COLEC12: variants seen among roughly 807,000 people sequenced by gnomAD.
COLEC12 encodes collectin-12.
A neutral mutation model predicts 71.1 loss-of-function variants in COLEC12; 33 were observed. The observed-to-expected ratio is 0.46, with a 90% CI of 0.35 to 0.62. The LOEUF is 0.62. Among genes scored for constraint, COLEC12 ranks in the 20% least tolerant of loss-of-function variants. The pLI, the probability that COLEC12 is intolerant of heterozygous loss-of-function variation, is 0.00. For missense variants in COLEC12, 765 were observed against 916.1 expected (o/e 0.84, Z 2.13); for synonymous variants, 350 against 353.0 (o/e 0.99, Z 0.10).
At chr18:368,656 A>C (rs1028858086) in intron 2 of COLEC12, among the ~76,000 whole-genome samples, 1 of 152,052 alleles carries the variant, frequency 6.6e-6, no homozygotes, top group Non-Finnish European at 1.5e-5. Flanking sequence ...TGAGGTCAGG[A>C]GATCGAGACC....
In COLEC12 at chr18:334,762, G is replaced by T. The variant is rs1318721082; in HGVS notation, c.1796C>A (p.Thr599Asn). Residue 599 changes from threonine (T) to asparagine (N), a missense_variant, in exon 6 of 10, where the codon ACC becomes AAC. Transcript: ENST00000400256. The part of the protein sequence containing the change: ...VVPLALQNEP[T>N]PAPEDNGCPP... ...CTTACCATTGTCCTCCGGTGCTGGG[G>T]TTGGCTCATTCTGCAGGGCCAGGGG... 14 of 1,473,900 alleles carry T rather than the reference G, an allele frequency of 9.5e-6. No homozygotes were observed. The highest frequency in any genetic ancestry group is 4.4e-5 in the African/African-American group (3 of 68,148). 91.3% of individuals were successfully genotyped at this position (1,473,900 alleles called of 1,614,324 possible). A position where few individuals can be genotyped will look rare whatever the true frequency, so the allele number is the denominator to read the frequency against.
At chr18:395,343 G>T (rs958160455) in intron 2 of COLEC12, among the ~76,000 whole-genome samples, 6 of 152,156 alleles carry the variant, frequency 3.9e-5, no homozygotes, top group African/African-American at 1.2e-4. Flanking sequence ...CAAGAGAGTT[G>T]GTGCCTTGTA....
chr18:495,432 G>C (rs1697479399), intron 1 of COLEC12, among the ~76,000 whole-genome samples: 1 of 152,196 alleles, frequency 6.6e-6, no homozygotes, highest in South Asian at 2.1e-4. Context: ...AAACCTGTTA[G>C]CAAGACGAGT....
rs1243266224 is a variant in COLEC12, at chr18:327,831, C to T, written c.2063+3837G>A. Among the ~76,000 whole-genome samples, 1 of 152,176 alleles carries T rather than the reference C, an allele frequency of 6.6e-6. No individual in the cohort carries two copies. The highest frequency in any genetic ancestry group is 6.5e-5 in the Admixed American group (1 of 15,276). On this transcript the variant is annotated intron_variant, in intron 8 of 9. Transcript: ENST00000400256. The surrounding 1 kb of genome is among the most constrained non-coding windows in gnomAD (Gnocchi z 4.0). The stretch of plus-strand genomic sequence containing the variant: ...GATGGGACGGTGCCAGGCCCATCGG[C>T]TTCTATTTTTTGGAAGAGTTTAAGA...
chr18:404,378 G>T (rs896253000), intron 2 of COLEC12, among the ~76,000 whole-genome samples: 4 of 152,192 alleles, frequency 2.6e-5, no homozygotes, highest in African/African-American at 7.2e-5. Context: ...TATGTTTAAA[G>T]GTATTATCAG....
chr18:324,685 C>T (rs1325701217), intron 8 of COLEC12, among the ~76,000 whole-genome samples: 9 of 138,716 alleles, frequency 6.5e-5, no homozygotes, highest in East Asian at 3.9e-4. Context: ...AAAAATTAGC[C>T]GGGCCTGGTG....
intron 2 of COLEC12, among the ~76,000 whole-genome samples, chr18:389,535 C>T (rs967703572): frequency 6.6e-6 from 1 of 151,812 alleles, no homozygotes; most frequent in Admixed American, 6.6e-5. Context: ...ACCTCGGCCT[C>T]CCAAAGTGCT....
intron 1 of COLEC12, among the ~76,000 whole-genome samples, chr18:494,419 A>G (rs887504971): frequency 1.4e-5 from 2 of 144,870 alleles, no homozygotes; most frequent in African/African-American, 5.3e-5. Flanking sequence ...ACTAGCCACC[A>G]TTCTAAACAA....
chr18:386,173 C>A (rs535506602), intron 2 of COLEC12, among the ~76,000 whole-genome samples: 1 of 152,266 alleles, frequency 6.6e-6, no homozygotes, highest in Non-Finnish European at 1.5e-5. Flanking sequence ...AATTATTGAG[C>A]TTCCTGAGCT....
chr18:321,770 C>T lies in COLEC12; in HGVS notation c.2101G>A (p.Gly701Ser). The change falls in exon 9 of 10, where the codon GGC becomes AGC. Residue 701 changes from glycine (G) to serine (S), a missense_variant. By Grantham distance (56) the Gly-to-Ser change is moderately conservative. Transcript: ENST00000400256. ...KAGQPDNWGH[G>S]HGPGEDCAGL... ...GCACAGTCTTCTCCTGGCCCATGGC[C>T]ATGACCCCAGTTATCCGGCTGTCCA... The T allele has an allele frequency of 1.2e-6, 2 of 1,614,208 alleles. No individual in the cohort carries two copies. Among genetic ancestry groups the T allele is most frequent in the Non-Finnish European group, 1.7e-6 (2 of 1,180,032 alleles).
intron 1 of COLEC12, among the ~76,000 whole-genome samples, chr18:498,653 C>A (rs1002190629): frequency 2.0e-5 from 3 of 152,070 alleles, no homozygotes; most frequent in South Asian, 4.1e-4. Flanking sequence ...TGAGCCACCG[C>A]GCCCCGCTGG....
Position 349,090 on chromosome 18 carries a change from C to T in COLEC12, c.182-927G>A, listed in dbSNP as rs1337289170. 2.0e-5 allele frequency among the ~76,000 whole-genome samples: 3 copies of T among 152,334 alleles called. No individual in the cohort carries two copies. The East Asian group carries it at 5.8e-4, about 29-fold the overall frequency. On this transcript the variant is annotated intron_variant, in intron 3 of 9. Coordinates refer to ENST00000400256, the MANE Select transcript of COLEC12 (RefSeq NM_130386.3). ...CTCTTGCCGTCCCAAATGTTAACCC[C>T]CAAGACAATGGGGAAAATGTCTTCA...
At chr18:368,740 C>A (rs1035923087) in intron 2 of COLEC12, among the ~76,000 whole-genome samples, 2 of 152,126 alleles carry the variant, frequency 1.3e-5, no homozygotes, top group Non-Finnish European at 2.9e-5. Context: ...GTGGCGGGCG[C>A]CTGTAGTCCC....
intron 2 of COLEC12, among the ~76,000 whole-genome samples, chr18:478,073 C>T (rs532145719): frequency 6.6e-6 from 1 of 152,282 alleles, no homozygotes; most frequent in Admixed American, 6.5e-5. Flanking sequence ...ATGAGGCCTC[C>T]CCAGTGGAAC....
intron 2 of COLEC12, among the ~76,000 whole-genome samples, chr18:470,590 A>G (rs143281240): frequency 2.0e-3 from 309 of 152,172 alleles, no homozygotes; most frequent in Non-Finnish European, 3.6e-3. Context: ...CTAAAAAAAA[A>G]AAAATTTTTT....
chr18:465,079 G>C (rs1046990365), intron 2 of COLEC12, among the ~76,000 whole-genome samples: 2 of 152,172 alleles, frequency 1.3e-5, no homozygotes, highest in Non-Finnish European at 2.9e-5. Flanking sequence ...GGGGAGATGG[G>C]AACAGACTTA....
At chr18:489,349 A>C (rs1289275628) in intron 1 of COLEC12, among the ~76,000 whole-genome samples, 1 of 152,170 alleles carries the variant, frequency 6.6e-6, no homozygotes, top group Non-Finnish European at 1.5e-5. Context: ...TGTACATCCC[A>C]CACACACTTG....
Position 391,503 on chromosome 18 carries a change from T to TTTGTTG in COLEC12, c.59-33987_59-33982dup, listed in dbSNP as rs369399512. Among the ~76,000 whole-genome samples the TTTGTTG allele has an allele frequency of 3.4e-4, 52 of 152,304 alleles. 1 individual carries two copies. The highest frequency in any genetic ancestry group is 3.4e-3 in the Middle Eastern group (1 of 292). ...CCTCCCTGACTATAAATTGGGGGTTTTTGTTGTTGTTGTTGTTTTGGTTCT... is the reference window on the plus strand; with the variant it reads ...CCTCCCTGACTATAAATTGGGGGTTTTTGTTGTTGTTGTTGTTGTTGTTTTGGTTCT... On this transcript the variant is annotated intron_variant, in intron 2 of 9. Coordinates refer to ENST00000400256, the MANE Select transcript of COLEC12 (RefSeq NM_130386.3).
intron 1 of COLEC12, among the ~76,000 whole-genome samples, chr18:486,312 G>A (rs1019579460): frequency 6.6e-6 from 1 of 152,126 alleles, no homozygotes; most frequent in African/African-American, 2.4e-5. Context: ...CAGCCTCAGA[G>A]TAGCTGGGAT....
Sources: allele counts gnomAD v4.1 joint callset (sites outside exome capture counted in the v4.1 genomes callset), GRCh38; gene constraint gnomAD v4.1.1; non-coding constraint Gnocchi (gnomAD v3.1); transcripts MANE v1.5; gene names NCBI Gene and HGNC (gene_info 2026-07-23, HGNC 2026-07-21).